Variants in CACNA1C observed in about 807,000 individuals in gnomAD.
The protein encoded by CACNA1C is calcium voltage-gated channel subunit alpha1 C.
Under a neutral mutation model 229.0 loss-of-function variants are expected in CACNA1C, and 30 were observed. The ratio of observed to expected loss-of-function variants is 0.13; its 90% CI spans 0.10 to 0.18. CACNA1C has a LOEUF of 0.18. Among genes scored for constraint, CACNA1C ranks in the 10% least tolerant of loss-of-function variants. The probability of loss-of-function intolerance (pLI) is 1.00; values close to 1 mark genes in which losing one functional copy is unlikely to be tolerated. For synonymous variants in CACNA1C, 1,114 were observed against 1,132.5 expected (o/e 0.98, Z 0.33); for missense variants, 1,658 against 2,845.0 (o/e 0.58, Z 9.49).
chr12:2,314,142 C>A (rs2095569967), intron 3 of CACNA1C, among the ~76,000 whole-genome samples: 1 of 152,276 alleles, frequency 6.6e-6, no homozygotes, highest in East Asian at 1.9e-4. Context: ...CACCTTCTCT[C>A]CTGGGCACCT....
chr12:2,499,689 G>A (rs1391307989), intron 7 of CACNA1C, among the ~76,000 whole-genome samples: 1 of 152,184 alleles, frequency 6.6e-6, no homozygotes, highest in African/African-American at 2.4e-5. Context: ...CAAGGCTACA[G>A]ACAATGAGCT....
intron 3 of CACNA1C, among the ~76,000 whole-genome samples, chr12:2,338,281 A>G (rs932221833): frequency 1.3e-5 from 2 of 152,186 alleles, no homozygotes; most frequent in South Asian, 4.1e-4. Context: ...GAATCGGTAA[A>G]TGAAGAAAAC....
intron 3 of CACNA1C, among the ~76,000 whole-genome samples, chr12:2,264,599 C>T (rs754984404): frequency 6.6e-6 from 1 of 152,212 alleles, no homozygotes; most frequent in Non-Finnish European, 1.5e-5. Flanking sequence ...CTCGTGGTTC[C>T]TCCTGTTTCT....
chr12:1,971,908 A>G lies in CACNA1C; in HGVS notation c.139+707A>G, dbSNP rs139386324. On this transcript the variant is annotated intron_variant, in intron 1 of 46. Coordinates refer to the CACNA1C transcript ENST00000682462. The surrounding 1 kb of genome is among the most constrained non-coding windows in gnomAD (Gnocchi z 4.2). The stretch of plus-strand genomic sequence containing the variant: ...CATGAATGATAGCTTGTAATCGTCT[A>G]ATGAGGACATGTGATAATGTTTGTG... Among the ~76,000 whole-genome samples, 43 of 152,374 alleles carry G rather than the reference A, an allele frequency of 2.8e-4. No individual in the cohort carries two copies. The East Asian group carries it at 8.1e-3, about 29-fold the overall frequency.
intron 3 of CACNA1C, among the ~76,000 whole-genome samples, chr12:2,234,895 G>A (rs376356480): frequency 3.1e-4 from 47 of 152,238 alleles, no homozygotes; most frequent in South Asian, 1.5e-3. Flanking sequence ...AGTGACGAGC[G>A]ATTCTGGGAA....
rs997224581 is a variant in CACNA1C at position 2,128,702 on chromosome 12, C to T, written c.477+8272C>T. ...CTGGGATTACAGGCGTGAGCCACTG[C>T]GCCCGGCCAGGTAAATACATTATTA... On this transcript the variant is annotated intron_variant, in intron 3 of 46. Transcript: ENST00000399655. Among the ~76,000 whole-genome samples, 8 of 152,210 alleles carry T rather than the reference C, an allele frequency of 5.3e-5. No individual in the cohort carries two copies. The East Asian group carries it at 9.6e-4, about 18-fold the overall frequency.
chr12:2,538,966 A>C (rs1327926051), intron 9 of CACNA1C, among the ~76,000 whole-genome samples: 2 of 152,220 alleles, frequency 1.3e-5, no homozygotes, highest in Admixed American at 6.5e-5. Flanking sequence ...TCTCAGCAGC[A>C]GTCCAGCCTG....
chr12:2,358,174 G>A (rs1278633051), intron 3 of CACNA1C, among the ~76,000 whole-genome samples: 2 of 151,972 alleles, frequency 1.3e-5, no homozygotes, highest in African/African-American at 2.4e-5. Context: ...ATGGAAGAAG[G>A]AGGTGCCGTT....
At chr12:2,052,947 G>C, upstream of CACNA1C, 3 of 977,528 alleles carry the variant, frequency 3.1e-6, no homozygotes, top group Non-Finnish European at 3.6e-6. Flanking sequence ...CGGCGGGGCT[G>C]GGCCGGGGGG....
At chr12:2,466,376 C>T (rs956859415) in intron 5 of CACNA1C, among the ~76,000 whole-genome samples, 10 of 152,216 alleles carry the variant, frequency 6.6e-5, no homozygotes, top group Non-Finnish European at 4.4e-5. Flanking sequence ...TCCCTGCAAA[C>T]AGCTCCTGAA....
At chr12:2,690,086 C>T (rs983066345) in intron 46 of CACNA1C, 8 of 152,238 alleles carry the variant, frequency 5.3e-5, no homozygotes, top group Non-Finnish European at 1.0e-4. Context: ...CCTGCTGGCC[C>T]TTCCCAGCAG....
Position 2,582,803 on chromosome 12 carries a change from G to A in CACNA1C, c.2104-19G>A, listed in dbSNP as rs1172464641. 1.9e-6 allele frequency: 3 copies of A among 1,613,154 alleles called. No individual in the cohort carries two copies. In the African/African-American group the frequency reaches 4.0e-5, roughly 22 times the overall value. ...TGGTCTAACGCTGTGTCCCTTATTG[G>A]TGGGAATGTGTCATTCAGATCCTGA... On this transcript the variant is annotated intron_variant, in intron 14 of 46. Transcript: ENST00000399655.
At position 2,695,150 on chromosome 12, in the gene CACNA1C, G is replaced by C. The variant is rs886049232; in HGVS notation, c.*3951G>C. 6.6e-6 allele frequency: 1 copy of C among 152,228 alleles called. No individual in the cohort carries two copies. The highest frequency in any genetic ancestry group is 1.5e-5 in the Non-Finnish European group (1 of 68,066). The allele number at this position is 152,228 out of a possible 1,614,324, so 9.4% of individuals were successfully genotyped here. On this transcript the variant is annotated 3_prime_UTR_variant, in exon 47 of 47. Coordinates refer to ENST00000399655, the MANE Select transcript of CACNA1C (RefSeq NM_000719.7). ...TATTTTAAAGAAGACCTGCCTCTGG[G>C]GCAAATGTCAGCACAGAGAGGACTG...
At chr12:1,982,451 T>G (rs1593037445) in intron 1 of CACNA1C, among the ~76,000 whole-genome samples, 1 of 152,170 alleles carries the variant, frequency 6.6e-6, no homozygotes, top group African/African-American at 2.4e-5. Context: ...TCTAGGTACC[T>G]CACAGAAGTG....
At chr12:2,505,447 C>G (rs535076615) in intron 8 of CACNA1C, among the ~76,000 whole-genome samples, 37 of 152,252 alleles carry the variant, frequency 2.4e-4, no homozygotes, top group African/African-American at 8.7e-4. Context: ...AACTTTATAT[C>G]TAGTTGGCTG....
chr12:2,249,853 C>T (rs1431282437), intron 3 of CACNA1C, among the ~76,000 whole-genome samples: 4 of 150,262 alleles, frequency 2.7e-5, no homozygotes, highest in South Asian at 2.1e-4. Flanking sequence ...TCATTGCAAG[C>T]GCCGCCTCCC....
chr12:2,557,053 G>A, intron 11 of CACNA1C, 76 bp downstream of exon 11: 2 of 1,213,754 alleles, frequency 1.6e-6, no homozygotes, highest in South Asian at 1.2e-5. Context: ...GGTGGCCCAA[G>A]GTAATACCTA....
At chr12:2,541,809 C>T (rs572621453) in intron 9 of CACNA1C, among the ~76,000 whole-genome samples, 125 of 152,320 alleles carry the variant, frequency 8.2e-4, no homozygotes, top group African/African-American at 2.8e-3. Flanking sequence ...GGGACAAAGT[C>T]GAAGCTATTT....
At chr12:2,156,543 G>T (rs896066272) in intron 3 of CACNA1C, among the ~76,000 whole-genome samples, 1 of 152,128 alleles carries the variant, frequency 6.6e-6, no homozygotes, top group Non-Finnish European at 1.5e-5. Flanking sequence ...ATTCTTTGGC[G>T]CTGGCCTTAA....
Sources: allele counts gnomAD v4.1 joint callset (sites outside exome capture counted in the v4.1 genomes callset), GRCh38; gene constraint gnomAD v4.1.1; non-coding constraint Gnocchi (gnomAD v3.1); transcripts MANE v1.5; gene names NCBI Gene and HGNC (gene_info 2026-07-23, HGNC 2026-07-21).